MAP2K5: variants seen among roughly 807,000 people sequenced by gnomAD.
MAP2K5 encodes the protein mitogen-activated protein kinase kinase 5.
Under a neutral mutation model 83.1 loss-of-function variants are expected in MAP2K5, and 49 were observed. The observed-to-expected ratio is 0.59, with a 90% CI of 0.47 to 0.75. The LOEUF is 0.75. MAP2K5 is among the 30% of genes least tolerant of loss of function. MAP2K5 has a pLI of 0.00. For synonymous variants in MAP2K5, 202 were observed against 191.8 expected (o/e 1.05, Z -0.44); for missense variants, 457 against 557.5 (o/e 0.82, Z 1.82).
At chr15:67,610,171 T>G (rs2085885867) in intron 8 of MAP2K5, among the ~76,000 whole-genome samples, 1 of 152,202 alleles carries the variant, frequency 6.6e-6, no homozygotes, top group Admixed American at 6.5e-5. Context: ...TATTTTTGGA[T>G]GTAAGATATA....
rs762288813 is a variant in MAP2K5 at position 67,747,406 on chromosome 15, A to G, written c.1075-825A>G. 8.7e-4 allele frequency among the ~76,000 whole-genome samples: 133 copies of G among 152,190 alleles called. 2 individuals carry two copies. Among genetic ancestry groups the G allele is most frequent in the Admixed American group, 8.5e-3 (130 of 15,276 alleles). On this transcript the variant is annotated intron_variant, in intron 17 of 21. Coordinates refer to ENST00000178640, the MANE Select transcript of MAP2K5 (RefSeq NM_145160.3). The surrounding 1 kb of genome is among the most constrained non-coding windows in gnomAD (Gnocchi z 4.1). The stretch of plus-strand genomic sequence containing the variant: ...CTGGAGTTTCATTTTCATTGAGTTT[A>G]TAATAACTGTAAGCTTTATTTTTCC...
intron 11 of MAP2K5, among the ~76,000 whole-genome samples, chr15:67,648,860 T>G (rs1286591847): frequency 6.6e-6 from 1 of 152,210 alleles, no homozygotes; most frequent in African/African-American, 2.4e-5. Context: ...ATTACAGGTG[T>G]GAGCCACTGC....
At chr15:67,593,729 A>T (rs1237398937) in intron 7 of MAP2K5, among the ~76,000 whole-genome samples, 3 of 152,216 alleles carry the variant, frequency 2.0e-5, no homozygotes, top group African/African-American at 7.2e-5. Context: ...GGCTGTATTG[A>T]CTGAGACATC....
At chr15:67,622,769 G>T (rs1176161484) in intron 8 of MAP2K5, among the ~76,000 whole-genome samples, 1 of 152,120 alleles carries the variant, frequency 6.6e-6, no homozygotes, top group Non-Finnish European at 1.5e-5. Flanking sequence ...TTGAAGAGTA[G>T]GAGAAGCATC....
chr15:67,664,580 C>G lies in MAP2K5; in HGVS notation c.799-17C>G. ...CCATAATTGATAATTGTACTGTTTT[C>G]TTTTTCCTAAATTTAGGTTGTTAAA... On this transcript the variant is annotated splice_polypyrimidine_tract_variant and intron_variant, in intron 12 of 21. Coordinates refer to ENST00000178640, the MANE Select transcript of MAP2K5 (RefSeq NM_145160.3). 1 of 1,460,630 alleles carries G rather than the reference C, an allele frequency of 6.8e-7. No homozygotes were observed. Among genetic ancestry groups the G allele is most frequent in the South Asian group, 1.2e-5 (1 of 86,632 alleles). 90.5% of individuals were successfully genotyped at this position (1,460,630 alleles called of 1,614,324 possible).
chr15:67,606,926 C>T (rs1176311979), intron 8 of MAP2K5, among the ~76,000 whole-genome samples: 1 of 152,168 alleles, frequency 6.6e-6, no homozygotes, highest in Non-Finnish European at 1.5e-5. Context: ...CCCAGAAAAC[C>T]TTGACTTCCT....
chr15:67,655,281 C>G (rs2087043956), intron 11 of MAP2K5, among the ~76,000 whole-genome samples: 1 of 152,168 alleles, frequency 6.6e-6, no homozygotes, highest in Admixed American at 6.5e-5. Flanking sequence ...TATGCAGTTA[C>G]CTTTACCAGT....
intron 16 of MAP2K5, among the ~76,000 whole-genome samples, chr15:67,703,987 A>T (rs2088488108): frequency 6.6e-6 from 1 of 152,160 alleles, no homozygotes; most frequent in Non-Finnish European, 1.5e-5. Flanking sequence ...GGGGAAGAGG[A>T]TGTATGTATT....
In MAP2K5 at chr15:67,665,786, G is replaced by T. The variant is rs947463537; in HGVS notation, c.847+1141G>T. ...TAGTTGGTGCGAAAGGTAGGTGTAG[G>T]GAGAGTGAGTTTTGTTAGTGTTACT... On this transcript the variant is annotated intron_variant, in intron 13 of 21. Transcript: ENST00000178640. This position sits in a 1 kb window ranked among gnomAD's most constrained non-coding sequence, Gnocchi z 4.2. Among the ~76,000 whole-genome samples, 5 of 152,108 alleles carry T rather than the reference G, an allele frequency of 3.3e-5. No individual in the cohort carries two copies. Among genetic ancestry groups the T allele is most frequent in the Admixed American group, 6.6e-5 (1 of 15,266 alleles).
At chr15:67,700,423 C>T (rs1567369850) in intron 15 of MAP2K5, among the ~76,000 whole-genome samples, 1 of 152,192 alleles carries the variant, frequency 6.6e-6, no homozygotes, top group Non-Finnish European at 1.5e-5. Flanking sequence ...GCTTTTCACA[C>T]TGATGACAGC....
chr15:67,608,516 G>T (rs1272693505), intron 8 of MAP2K5, among the ~76,000 whole-genome samples: 2 of 152,194 alleles, frequency 1.3e-5, no homozygotes, highest in Non-Finnish European at 2.9e-5. Flanking sequence ...CCACCTGTCT[G>T]TGTGTATGGT....
Position 67,668,698 on chromosome 15 carries a change from C to T in MAP2K5, c.847+4053C>T, listed in dbSNP as rs998149413. 2.6e-5 allele frequency among the ~76,000 whole-genome samples: 4 copies of T among 152,208 alleles called. No homozygotes were observed. Among genetic ancestry groups the T allele is most frequent in the African/African-American group, 9.6e-5 (4 of 41,534 alleles). ...TGTGAGAATGCCCTGGTAGTAACTG[C>T]TGTCTCTTTCCCTGAGGATAAAAAA... On this transcript the variant is annotated intron_variant, in intron 13 of 21. Coordinates refer to ENST00000178640, the MANE Select transcript of MAP2K5 (RefSeq NM_145160.3). This position sits in a 1 kb window ranked among gnomAD's most constrained non-coding sequence, Gnocchi z 4.0.
chr15:67,773,803 C>G (rs576394811), intron 21 of MAP2K5, among the ~76,000 whole-genome samples: 8 of 152,096 alleles, frequency 5.3e-5, no homozygotes, highest in Admixed American at 1.3e-4. Context: ...ATAAACTGGT[C>G]TCTTTTTTTG....
At chr15:67,643,080 G>GT (rs2086749478) in intron 9 of MAP2K5, among the ~76,000 whole-genome samples, 1 of 152,096 alleles carries the variant, frequency 6.6e-6, no homozygotes, top group Admixed American at 6.5e-5. Context: ...TCATTCCATT[G>GT]TTTTGGGGTA....
chr15:67,675,639 G>A (rs1012410268), intron 13 of MAP2K5, among the ~76,000 whole-genome samples: 1 of 152,176 alleles, frequency 6.6e-6, no homozygotes, highest in African/African-American at 2.4e-5. Flanking sequence ...CATTGTAAAT[G>A]TAAACTTTGA....
At chr15:67,590,881 G>A (rs983932543) in intron 6 of MAP2K5, among the ~76,000 whole-genome samples, 2 of 152,140 alleles carry the variant, frequency 1.3e-5, no homozygotes, top group African/African-American at 4.8e-5. Flanking sequence ...CAAGTCATTG[G>A]GCTATATTTA....
At chr15:67,762,877 C>A (rs1306873510) in intron 19 of MAP2K5, among the ~76,000 whole-genome samples, 1 of 152,134 alleles carries the variant, frequency 6.6e-6, no homozygotes, top group East Asian at 1.9e-4. Flanking sequence ...AAAATTCAGG[C>A]CTTTACCCCG....
chr15:67,700,814 G>C (rs1158508842), intron 15 of MAP2K5, among the ~76,000 whole-genome samples: 1 of 151,546 alleles, frequency 6.6e-6, no homozygotes, highest in African/African-American at 2.4e-5. Flanking sequence ...TGTTTCATTA[G>C]CTTATTGCAA....
intron 11 of MAP2K5, among the ~76,000 whole-genome samples, chr15:67,647,911 G>A (rs941471119): frequency 2.6e-5 from 4 of 151,102 alleles, no homozygotes; most frequent in Non-Finnish European, 3.0e-5. Flanking sequence ...ATGGTGGTAC[G>A]GGCCTGTAGT....
Sources: gnomAD v4.1 joint callset for allele counts (sites outside exome capture counted in the v4.1 genomes callset) on GRCh38, gnomAD v4.1.1 for gene constraint, Gnocchi (gnomAD v3.1) non-coding constraint, MANE v1.5 for transcripts, NCBI Gene and HGNC (gene_info 2026-07-23, HGNC 2026-07-21) for gene names.